TFRC: variants seen among roughly 807,000 people sequenced by gnomAD.
The protein encoded by TFRC is transferrin receptor.
A neutral mutation model predicts 85.8 loss-of-function variants in TFRC; 35 were observed. The ratio of observed to expected loss-of-function variants is 0.41; its 90% CI spans 0.31 to 0.54. TFRC has a LOEUF of 0.54. TFRC is among the 20% of genes least tolerant of loss of function. The pLI is 0.31. For synonymous variants in TFRC, 362 were observed against 328.6 expected (o/e 1.10, Z -1.10); for missense variants, 828 against 921.5 (o/e 0.90, Z 1.31).
Position 196,065,522 on chromosome 3 carries a change from C to T in TFRC, c.1119G>A (p.Val373=), listed in dbSNP as rs770170383. The change falls in exon 10 of 19, where the codon GTG becomes GTA. Residue 373 remains valine (V), a synonymous_variant. Transcript: ENST00000360110. The part of the protein sequence containing the change: ...CRMVTSESKN[V]KLTVSNVLKE... Reference sequence around the variant, plus strand: ...TCAGCACATTGCTCACAGTGAGCTTCACATTCTTGCTTTCTGAGGTTACCA... The same window carrying T: ...TCAGCACATTGCTCACAGTGAGCTTTACATTCTTGCTTTCTGAGGTTACCA... 3.7e-6 allele frequency: 6 copies of T among 1,602,944 alleles called. No homozygotes were observed. Among genetic ancestry groups the T allele is most frequent in the Middle Eastern group, 1.7e-4 (1 of 6,014 alleles).
chr3:196,065,402 A>G, intron 10 of TFRC, 41 bp downstream of exon 10: 1 of 880,638 alleles, frequency 1.1e-6, no homozygotes, highest in South Asian at 2.0e-5. Flanking sequence ...AAAAGAAAAC[A>G]AAAAAAAAGC....
At chr3:196,077,629 G>GT (rs1718817833) in intron 1 of TFRC, among the ~76,000 whole-genome samples, 1 of 152,038 alleles carries the variant, frequency 6.6e-6, no homozygotes, top group Non-Finnish European at 1.5e-5. Flanking sequence ...GTGGGCGCCT[G>GT]TAATCCCAGC....
At chr3:196,075,985 A>AC (rs11424649) in intron 2 of TFRC, among the ~76,000 whole-genome samples, 2 of 150,420 alleles carry the variant, frequency 1.3e-5, no homozygotes, top group African/African-American at 4.9e-5. Context: ...AAAAAAAAAA[A>AC]CCACTAGCTG....
intron 4 of TFRC, among the ~76,000 whole-genome samples, chr3:196,073,365 AG>A (rs986214913): frequency 9.9e-5 from 15 of 151,100 alleles, no homozygotes; most frequent in Non-Finnish European, 1.8e-4. Context: ...AGGCTATGGT[AG>A]GGGGATGAAG....
chr3:196,060,659 G>T (rs948501155), intron 13 of TFRC: 1 of 161,116 alleles, frequency 6.2e-6, no homozygotes, highest in Admixed American at 6.3e-5. Flanking sequence ...TTAGCCGGGT[G>T]TGGTGGCGGG....
At chr3:196,057,405 A>C (rs1315400366) in intron 16 of TFRC, among the ~76,000 whole-genome samples, 1 of 152,018 alleles carries the variant, frequency 6.6e-6, no homozygotes, top group Non-Finnish European at 1.5e-5. Context: ...TAAGCCCTTA[A>C]AAAGGTCAGG....
chr3:196,071,536 T>C (rs745496298), intron 5 of TFRC, 38 bp from the exon 6 acceptor site: 42 of 1,593,808 alleles, frequency 2.6e-5, no homozygotes, highest in Non-Finnish European at 3.5e-5. Flanking sequence ...CCTAAGGTCA[T>C]CCTTCCAAAA....
intron 17 of TFRC, among the ~76,000 whole-genome samples, chr3:196,053,870 G>T (rs779541278): frequency 1.3e-5 from 2 of 152,178 alleles, no homozygotes. Flanking sequence ...AAACATTTTG[G>T]TTCAAGGTAC....
chr3:196,079,334 C>T (rs936607201), intron 1 of TFRC, among the ~76,000 whole-genome samples: 1 of 152,224 alleles, frequency 6.6e-6, no homozygotes, highest in African/African-American at 2.4e-5. Flanking sequence ...GATGGCCGGG[C>T]ATGGTGGCTC....
intron 16 of TFRC, among the ~76,000 whole-genome samples, chr3:196,055,801 G>T (rs1231675964): frequency 6.9e-6 from 1 of 144,842 alleles, no homozygotes; most frequent in East Asian, 2.1e-4. Flanking sequence ...TTGAGACAAG[G>T]TCTCTGTCAC....
chr3:196,064,747 G>C (rs1014503382), intron 10 of TFRC, among the ~76,000 whole-genome samples: 7 of 152,190 alleles, frequency 4.6e-5, no homozygotes, highest in Non-Finnish European at 8.8e-5. Flanking sequence ...ACTACAGCCC[G>C]CATGCCCATT....
chr3:196,049,456 A>G lies in TFRC; in HGVS notation c.*2486T>C, dbSNP rs1178297779. The G allele has an allele frequency of 9.3e-6, 2 of 215,976 alleles. No individual in the cohort carries two copies. Among genetic ancestry groups the G allele is most frequent in the African/African-American group, 4.5e-5 (2 of 44,408 alleles). The allele number at this position is 215,976 out of a possible 1,614,324, so 13.4% of individuals were successfully genotyped here. A position where few individuals can be genotyped will look rare whatever the true frequency, so the allele number is the denominator to read the frequency against. ...CATGCAAGTTCTAGAATAGTGAATC[A>G]TGACAGAACTCATTCATTTTATCCT... On this transcript the variant is annotated 3_prime_UTR_variant, in exon 19 of 19. Coordinates refer to ENST00000360110, the MANE Select transcript of TFRC (RefSeq NM_001128148.3).
chr3:196,073,098 T>C (rs1718364636), intron 4 of TFRC, among the ~76,000 whole-genome samples: 1 of 148,710 alleles, frequency 6.7e-6, no homozygotes, highest in African/African-American at 2.5e-5. Flanking sequence ...TACAAGCCTG[T>C]GATCTCAGCT....
intron 5 of TFRC, 50 bp downstream of exon 5, chr3:196,071,953 C>T (rs1718244909): frequency 6.3e-7 from 1 of 1,584,364 alleles, no homozygotes; most frequent in Non-Finnish European, 8.6e-7. Context: ...ATTTAGCACA[C>T]CTGAAAATAG....
rs1168459895 is a variant in TFRC, at chr3:196,052,052, C to T, written c.2173G>A (p.Ala725Thr). ...NLKLRKQNNGAFNETLFRNQL... is the reference protein window; with the variant it reads ...NLKLRKQNNGTFNETLFRNQL... ...TTTCTGAACAGCGTTTCATTAAAAG[C>T]ACCGTTATTTTGTTTACGCAGTTTC... is the stretch of plus-strand genomic sequence containing the variant. Residue 725 changes from alanine to threonine, a missense_variant, in exon 19 of 19, where the codon GCT becomes ACT. Physicochemically the swap from Ala to Thr is moderately conservative, Grantham distance 58. Transcript: ENST00000360110. The T allele has an allele frequency of 1.2e-6, 2 of 1,614,152 alleles. No homozygotes were observed. Among genetic ancestry groups the T allele is most frequent in the East Asian group, 2.2e-5 (1 of 44,892 alleles).
chr3:196,055,673 C>G (rs1017874359), intron 16 of TFRC: 3 of 300,948 alleles, frequency 1.0e-5, no homozygotes, highest in Non-Finnish European at 1.9e-5. Flanking sequence ...GAGACGAGGT[C>G]TCTCTGTCAC....
chr3:196,076,912 G>T, intron 2 of TFRC, 152 bp downstream of exon 2: 1 of 672,876 alleles, frequency 1.5e-6, no homozygotes, highest in South Asian at 2.1e-5. Flanking sequence ...TGAACTCTTT[G>T]TGAGATCAGT....
Position 196,075,163 on chromosome 3 carries a change from C to G in TFRC, c.234G>C (p.Leu78Phe), listed in dbSNP as rs749512801. ...YGTIAVIVFF[L>F]IGFMIGYLGY... ...GTTTGGAATGGTCATTCTCACCAAT[C>G]AAGAAAAAGACGATCACAGCAATAG... The change falls in exon 3 of 19, where the codon TTG becomes TTC. Residue 78 changes from leucine to phenylalanine, a missense_variant. Coordinates refer to ENST00000360110, the MANE Select transcript of TFRC (RefSeq NM_001128148.3). 2 of 1,605,170 alleles carry G rather than the reference C, an allele frequency of 1.2e-6. No homozygotes were observed. The highest frequency in any genetic ancestry group is 1.1e-5 in the South Asian group (1 of 90,970).
intron 13 of TFRC, chr3:196,062,293 A>G: frequency 2.8e-6 from 1 of 357,074 alleles, no homozygotes; most frequent in East Asian, 6.8e-5. Flanking sequence ...CTGTAATCCC[A>G]GGCCGAGGCA....
Sources: gnomAD v4.1 joint callset for allele counts (sites outside exome capture counted in the v4.1 genomes callset) on GRCh38, gnomAD v4.1.1 for gene constraint, MANE v1.5 for transcripts, NCBI Gene and HGNC (gene_info 2026-07-23, HGNC 2026-07-21) for gene names.